SLC66A2: variants seen among roughly 807,000 people sequenced by gnomAD.
SLC66A2 encodes the protein PQ loop repeat containing 1.
In SLC66A2, 23 loss-of-function variants were observed where a neutral mutation model predicts 25.5. The observed-to-expected ratio is 0.90, with a 90% confidence interval of 0.65 to 1.28. The LOEUF (loss-of-function observed/expected upper bound fraction) is 1.28, where lower values mean the gene tolerates loss of function less well. SLC66A2 is among the 50% of genes most tolerant of loss of function. SLC66A2 has a pLI of 0.00. For synonymous variants in SLC66A2, 193 were observed against 166.5 expected (o/e 1.16, Z -1.23); for missense variants, 396 against 373.1 (o/e 1.06, Z -0.51).
At chr18:79,929,391 C>T (rs1430599) in intron 4 of SLC66A2, among the ~76,000 whole-genome samples, 136,318 of 152,178 alleles carry the variant, frequency 0.9, 63,042 homozygotes, top group East Asian at 1. Flanking sequence ...GGAGAAGAGG[C>T]CCAGAGACTG....
rs931872437 is a variant in SLC66A2, at chr18:79,918,758, C to T, written c.608+426G>A. On this transcript the variant is annotated intron_variant, in intron 5 of 5. Coordinates refer to ENST00000397778, the MANE Select transcript of SLC66A2 (RefSeq NM_025078.5). This position sits in a 1 kb window ranked among gnomAD's most constrained non-coding sequence, Gnocchi z 4.0. ...ACCACATACCTCAGAGGCCGGAGGC[C>T]GTGCTGGGGCCAGTGGGGAAAGACC... Among the ~76,000 whole-genome samples, 1 of 152,228 alleles carries T rather than the reference C, an allele frequency of 6.6e-6. No homozygotes were observed. Among genetic ancestry groups the T allele is most frequent in the African/African-American group, 2.4e-5 (1 of 41,456 alleles).
In SLC66A2 at chr18:79,923,163, G is replaced by A. The variant is rs942782172; in HGVS notation, c.392-3763C>T. 1.6e-4 allele frequency among the ~76,000 whole-genome samples: 24 copies of A among 149,396 alleles called. 1 individual carries two copies. In the South Asian group the frequency reaches 2.6e-3, roughly 16 times the overall value. ...CATGTGTATTTCATGAAGAAGCCCG[G>A]CTGCAGTGAGGGGGGCTGAGCAGGA... On this transcript the variant is annotated intron_variant, in intron 4 of 5. Transcript: ENST00000397778.
chr18:79,904,195 C>T lies in SLC66A2; in HGVS notation c.609-12G>A. On this transcript the variant is annotated splice_polypyrimidine_tract_variant and intron_variant, in intron 5 of 5. Transcript: ENST00000397778. This position sits in a 1 kb window ranked among gnomAD's most constrained non-coding sequence, Gnocchi z 6.3. ...GCACCATCTTGATGCTGTGGAGACA[C>T]AAGCAGGCGGTCAGCGGTGGGGAGG... is the stretch of plus-strand genomic sequence containing the variant. 1 of 1,612,212 alleles carries T rather than the reference C, an allele frequency of 6.2e-7. No homozygotes were observed. The highest frequency in any genetic ancestry group is 8.5e-7 in the Non-Finnish European group (1 of 1,179,336).
At chr18:79,932,875 TAA>T (rs1476647162) in intron 4 of SLC66A2, among the ~76,000 whole-genome samples, 2 of 152,128 alleles carry the variant, frequency 1.3e-5, no homozygotes, top group Non-Finnish European at 2.9e-5. Flanking sequence ...TAAAAATATT[TAA>T]AGAGAAATTA....
In SLC66A2 at chr18:79,904,240, C is replaced by A; in HGVS notation, c.609-57G>T. On this transcript the variant is annotated intron_variant, in intron 5 of 5. Transcript: ENST00000397778. The surrounding 1 kb of genome is among the most constrained non-coding windows in gnomAD (Gnocchi z 6.3). The stretch of plus-strand genomic sequence containing the variant: ...GGGAGGGCGGCGACCTGGGCTCAGT[C>A]AGTGGGGAGGCCTGGGGCTTAGACA... 1.3e-6 allele frequency: 2 copies of A among 1,493,038 alleles called. No homozygotes were observed. Among genetic ancestry groups the A allele is most frequent in the South Asian group, 2.3e-5 (2 of 87,886 alleles). The allele number at this position is 1,493,038 out of a possible 1,614,324, so 92.5% of individuals were successfully genotyped here.
chr18:79,919,092 G>T, intron 5 of SLC66A2, 92 bp downstream of exon 5: 1 of 1,161,866 alleles, frequency 8.6e-7, no homozygotes, highest in Non-Finnish European at 1.2e-6. Context: ...GAAATACACA[G>T]CCAGACACAC....
rs375796959 is a variant in SLC66A2, at chr18:79,904,018, C to T, written c.774G>A (p.Pro258=). The change falls in exon 6 of 6, where the codon CCG becomes CCA. Residue 258 remains proline, a synonymous_variant. Coordinates refer to ENST00000397778, the MANE Select transcript of SLC66A2 (RefSeq NM_025078.5). The surrounding 1 kb of genome is among the most constrained non-coding windows in gnomAD (Gnocchi z 6.3). Reference sequence around the variant, plus strand: ...CAGTGGGGTGCACGGCGTGGGGCGCCGGCTTCTGGGGGTGGCGGGCGAAGG... The same window carrying T: ...CAGTGGGGTGCACGGCGTGGGGCGCTGGCTTCTGGGGGTGGCGGGCGAAGG... ...AYAFARHPQK[P]APHAVHPTGT... is the part of the protein sequence containing the mutation. The T allele has an allele frequency of 1.0e-5, 16 of 1,606,652 alleles. No individual in the cohort carries two copies. Among genetic ancestry groups the T allele is most frequent in the East Asian group, 8.9e-5 (4 of 44,744 alleles).
Position 79,919,342 on chromosome 18 carries a change from G to T in SLC66A2, c.450C>A (p.Val150=). ...AGCCCGCCACGCCCGTGAAGGCCAGGACGCACTGCACGTAGTCCGAGAAGC... is the reference window on the plus strand; with the variant it reads ...AGCCCGCCACGCCCGTGAAGGCCAGTACGCACTGCACGTAGTCCGAGAAGC... ...WSSFSDYVQC[V]LAFTGVAGYI... The change falls in exon 5 of 6, where the codon GTC becomes GTA. Residue 150 remains valine (V), a synonymous_variant. Coordinates refer to ENST00000397778, the MANE Select transcript of SLC66A2 (RefSeq NM_025078.5). 1 of 1,613,350 alleles carries T rather than the reference G, an allele frequency of 6.2e-7. No individual in the cohort carries two copies. Among genetic ancestry groups the T allele is most frequent in the Non-Finnish European group, 8.5e-7 (1 of 1,180,038 alleles).
At chr18:79,951,194 C>T (rs2051112732) in intron 1 of SLC66A2, among the ~76,000 whole-genome samples, 169 bp from the exon 2 acceptor site, 1 of 151,580 alleles carries the variant, frequency 6.6e-6, no homozygotes, top group African/African-American at 2.4e-5. Context: ...GTCTGGGGGT[C>T]CCGAGACGCT....
rs544987771 is a variant in SLC66A2 at position 79,937,786 on chromosome 18, C to G, written c.338-3764G>C. Among the ~76,000 whole-genome samples, 1 of 152,264 alleles carries G rather than the reference C, an allele frequency of 6.6e-6. No individual in the cohort carries two copies. Among genetic ancestry groups the G allele is most frequent in the African/African-American group, 2.4e-5 (1 of 41,540 alleles). ...AGAGCCAAGGACAGAACACCTTGTC[C>G]TTGTCCACATCCCAGGGACATAAAG... On this transcript the variant is annotated intron_variant, in intron 3 of 5. Transcript: ENST00000397778. This position sits in a 1 kb window ranked among gnomAD's most constrained non-coding sequence, Gnocchi z 5.4.
chr18:79,910,835 C>T (rs1268095705), intron 5 of SLC66A2, among the ~76,000 whole-genome samples: 1 of 152,242 alleles, frequency 6.6e-6, no homozygotes, highest in East Asian at 1.9e-4. Flanking sequence ...CCTCCTCACA[C>T]AGCGGCCACA....
Position 79,943,315 on chromosome 18 carries a change from CGCCG to C in SLC66A2, c.337+10_337+13del, listed in dbSNP as rs1568336014. On this transcript the variant is annotated intron_variant, in intron 3 of 5. Coordinates refer to ENST00000397778, the MANE Select transcript of SLC66A2 (RefSeq NM_025078.5). Reference sequence around the variant, plus strand: ...GATTCCCTGCGACTTTATTCCGAAGCGCCGGCCACCAACCTGTAAAGGAGCGGCG... The same window carrying C: ...GATTCCCTGCGACTTTATTCCGAAGCGCCACCAACCTGTAAAGGAGCGGCG... 1 of 1,612,604 alleles carries C rather than the reference CGCCG, an allele frequency of 6.2e-7. No homozygotes were observed. The highest frequency in any genetic ancestry group is 8.5e-7 in the Non-Finnish European group (1 of 1,179,252).
chr18:79,950,797 G>A lies in SLC66A2; in HGVS notation c.130C>T (p.Gln44Ter). ...TAGGTGGAGAAGCCGTCGGCGTTCT[G>A]CGTCCTGCGAATGTCCCGATACTGC... ...VPQYRDIRRT[Q>*]NADGFSTYVC... The change falls in exon 2 of 6, where the codon CAG becomes TAG. Residue 44 changes from glutamine to a stop codon, truncating the protein, a stop_gained. Transcript: ENST00000397778. LOFTEE classifies it high-confidence loss of function. The A allele has an allele frequency of 6.2e-7, 1 of 1,613,168 alleles. No homozygotes were observed. Among genetic ancestry groups the A allele is most frequent in the Non-Finnish European group, 8.5e-7 (1 of 1,179,996 alleles).
At chr18:79,921,843 A>T (rs368567838) in intron 4 of SLC66A2, among the ~76,000 whole-genome samples, 8 of 19,848 alleles carry the variant, frequency 4.0e-4, no homozygotes, top group Admixed American at 3.0e-3. Context: ...GAGGAGAGAC[A>T]GGAACCGAGG....
chr18:79,933,872 G>A (rs1173585127), intron 4 of SLC66A2, 97 bp downstream of exon 4: 10 of 1,042,520 alleles, frequency 9.6e-6, no homozygotes, highest in South Asian at 1.4e-5. Flanking sequence ...GATGACGCAC[G>A]CACATGCACA....
At chr18:79,943,209 A>T in intron 3 of SLC66A2, 120 bp downstream of exon 3, 1 of 1,251,872 alleles carries the variant, frequency 8.0e-7, no homozygotes, top group South Asian at 1.5e-5. Flanking sequence ...TGGAGATAAC[A>T]GCACCACTTG....
chr18:79,913,508 C>T (rs926453001), intron 5 of SLC66A2, among the ~76,000 whole-genome samples: 1 of 152,230 alleles, frequency 6.6e-6, no homozygotes, highest in African/African-American at 2.4e-5. Flanking sequence ...ACTACAACCA[C>T]GTAGTATTTT....
At chr18:79,942,706 C>G (rs1169298835) in intron 3 of SLC66A2, among the ~76,000 whole-genome samples, 1 of 152,232 alleles carries the variant, frequency 6.6e-6, no homozygotes, top group African/African-American at 2.4e-5. Context: ...AGAGTTCAGA[C>G]TGGAACAAAC....
intron 2 of SLC66A2, among the ~76,000 whole-genome samples, chr18:79,945,448 C>T (rs2050894164): frequency 6.6e-6 from 1 of 152,194 alleles, no homozygotes; most frequent in Non-Finnish European, 1.5e-5. Context: ...GCCAGGCAGG[C>T]AGGCACACAA....
Sources: gnomAD v4.1 joint callset for allele counts (sites outside exome capture counted in the v4.1 genomes callset) on GRCh38, gnomAD v4.1.1 for gene constraint, Gnocchi (gnomAD v3.1) non-coding constraint, MANE v1.5 for transcripts, NCBI Gene and HGNC (gene_info 2026-07-23, HGNC 2026-07-21) for gene names.